The following MPPED1 variants were observed in gnomAD, a reference collection of about 807,000 sequenced individuals.
MPPED1 encodes the protein metallophosphoesterase domain containing 1.
MPPED1 carries 16 observed loss-of-function variants against 36.2 expected under a neutral mutation model. That is an observed-to-expected ratio of 0.44 (90% confidence interval 0.30 to 0.67). The LOEUF is 0.67. MPPED1 is among the 30% of genes least tolerant of loss of function. MPPED1 has a pLI of 0.10. For missense variants in MPPED1, 307 were observed against 453.4 expected, an observed-to-expected ratio of 0.68 and a Z score of 2.93; for synonymous variants, 199 against 191.3, an observed-to-expected ratio of 1.04 and a Z score of -0.33.
At position 43,498,834 on chromosome 22, in the gene MPPED1, C is replaced by T. The variant is rs150205489; in HGVS notation, c.748+484C>T. Among the ~76,000 whole-genome samples the T allele has an allele frequency of 1.1e-4, 16 of 152,092 alleles. No homozygotes were observed. In the East Asian group the frequency reaches 3.1e-3, roughly 29 times the overall value. Reference sequence around the variant, plus strand: ...ACCCAATCCACACTGAGGTCATCCCCTCATCTGCATACTGCCTCCTCCACC... The same window carrying T: ...ACCCAATCCACACTGAGGTCATCCCTTCATCTGCATACTGCCTCCTCCACC... On this transcript the variant is annotated intron_variant, in intron 5 of 6. Coordinates refer to ENST00000443721, the MANE Select transcript of MPPED1 (RefSeq NM_001044370.2).
intron 5 of MPPED1, among the ~76,000 whole-genome samples, chr22:43,500,388 G>GT (rs1332112376): frequency 6.7e-6 from 1 of 149,810 alleles, no homozygotes; most frequent in Non-Finnish European, 1.5e-5. Context: ...GGTGGTGATG[G>GT]TGATGGAGGT....
chr22:43,449,672 A>G (rs1338370375), intron 3 of MPPED1, among the ~76,000 whole-genome samples: 1 of 152,112 alleles, frequency 6.6e-6, no homozygotes, highest in African/African-American at 2.4e-5. Flanking sequence ...CACATGCATC[A>G]GGGGGACATG....
chr22:43,412,793 T>G (rs1928951695), intron 1 of MPPED1, among the ~76,000 whole-genome samples: 2 of 152,210 alleles, frequency 1.3e-5, no homozygotes, highest in Admixed American at 1.3e-4. Context: ...TCAAAGGGAA[T>G]GTTGATCATG....
At chr22:43,463,331 C>CT (rs3047468) in intron 3 of MPPED1, among the ~76,000 whole-genome samples, 1,615 of 121,042 alleles carry the variant, frequency 0.013, 11 homozygotes, top group Middle Eastern at 0.02. Flanking sequence ...ATGATTTTTT[C>CT]TTTTTTTTTT....
chr22:43,494,176 C>G (rs142806587), intron 4 of MPPED1, among the ~76,000 whole-genome samples: 94,165 of 151,982 alleles, frequency 0.62, 30,746 homozygotes, highest in African/African-American at 0.84. Flanking sequence ...GCTGGGACTA[C>G]AGGTGCGCGC....
chr22:43,495,130 AGGT>A (rs1049704372), intron 4 of MPPED1, among the ~76,000 whole-genome samples: 7 of 141,054 alleles, frequency 5.0e-5, no homozygotes, highest in South Asian at 4.8e-4. Flanking sequence ...AGGTGGTAGG[AGGT>A]GGTGGTGGTG....
intron 2 of MPPED1, among the ~76,000 whole-genome samples, chr22:43,433,048 G>T (rs938064923): frequency 2.0e-5 from 3 of 152,062 alleles, no homozygotes; most frequent in African/African-American, 7.2e-5. Context: ...GCTGCCCTTG[G>T]TCTGATCAGC....
chr22:43,453,889 T>C (rs1158360886), intron 3 of MPPED1, among the ~76,000 whole-genome samples: 1 of 152,172 alleles, frequency 6.6e-6, no homozygotes, highest in Non-Finnish European at 1.5e-5. Context: ...CTGCCTTTCC[T>C]CTCTGGAACT....
intron 6 of MPPED1, among the ~76,000 whole-genome samples, chr22:43,505,022 G>A (rs1203794149): frequency 6.6e-6 from 1 of 152,020 alleles, no homozygotes; most frequent in Non-Finnish European, 1.5e-5. Flanking sequence ...GGAGGTAACA[G>A]TGAAGATGAT....
chr22:43,482,636 A>G (rs1192862217), intron 4 of MPPED1, among the ~76,000 whole-genome samples: 1 of 152,220 alleles, frequency 6.6e-6, no homozygotes, highest in Non-Finnish European at 1.5e-5. Flanking sequence ...TTGGGATTGA[A>G]GGAGGTCCTG....
intron 5 of MPPED1, among the ~76,000 whole-genome samples, chr22:43,501,693 G>C (rs867570022): frequency 2.0e-5 from 3 of 152,312 alleles, no homozygotes; most frequent in Middle Eastern, 3.4e-3. Context: ...CGGAGGCACA[G>C]AGAGGTTAAG....
chr22:43,480,818 T>G (rs1160316644), intron 4 of MPPED1, among the ~76,000 whole-genome samples: 1 of 151,456 alleles, frequency 6.6e-6, no homozygotes, highest in Non-Finnish European at 1.5e-5. Flanking sequence ...TTCTTTTTCT[T>G]TTCTTTTCTT....
At chr22:43,412,936 C>G (rs1928956811) in intron 1 of MPPED1, among the ~76,000 whole-genome samples, 1 of 152,200 alleles carries the variant, frequency 6.6e-6, no homozygotes, top group Non-Finnish European at 1.5e-5. Flanking sequence ...CTGATGTGCC[C>G]AGGAGTCTGG....
chr22:43,422,419 C>T (rs185350817), intron 1 of MPPED1, among the ~76,000 whole-genome samples: 64 of 152,202 alleles, frequency 4.2e-4, no homozygotes, highest in African/African-American at 1.3e-3. Context: ...AAGAGGCCAC[C>T]GGGGGCCGGC....
chr22:43,486,498 A>G (rs1931915876), intron 4 of MPPED1, among the ~76,000 whole-genome samples: 1 of 152,192 alleles, frequency 6.6e-6, no homozygotes, highest in South Asian at 2.1e-4. Flanking sequence ...CCACTGCAGC[A>G]GCCACATGGC....
intron 3 of MPPED1, among the ~76,000 whole-genome samples, chr22:43,439,113 C>T (rs747784685): frequency 1.3e-5 from 2 of 152,182 alleles, no homozygotes; most frequent in African/African-American, 2.4e-5. Flanking sequence ...TAAATTCCTG[C>T]GGACTCTAAC....
chr22:43,476,445 G>C (rs576578673), intron 4 of MPPED1, among the ~76,000 whole-genome samples: 3 of 152,256 alleles, frequency 2.0e-5, no homozygotes, highest in Non-Finnish European at 2.9e-5. Context: ...CACAGTCAGC[G>C]AGGCTAAGGA....
intron 3 of MPPED1, among the ~76,000 whole-genome samples, chr22:43,444,892 A>G (rs866732157): frequency 1.3e-5 from 2 of 152,334 alleles, no homozygotes; most frequent in Middle Eastern, 6.8e-3. Flanking sequence ...TAGTTTATAA[A>G]AATGACAAAA....
chr22:43,500,768 A>G (rs574659169), intron 5 of MPPED1, among the ~76,000 whole-genome samples: 1 of 152,128 alleles, frequency 6.6e-6, no homozygotes, highest in South Asian at 2.1e-4. Flanking sequence ...TGCAGGGTAG[A>G]GGGTTCAGGA....
Sources: gnomAD v4.1 joint callset for allele counts (sites outside exome capture counted in the v4.1 genomes callset) on GRCh38, gnomAD v4.1.1 for gene constraint, MANE v1.5 for transcripts, NCBI Gene and HGNC (gene_info 2026-07-23, HGNC 2026-07-21) for gene names.